The following ARHGEF15 variants were observed in gnomAD, a reference collection of about 807,000 sequenced individuals.
The protein encoded by ARHGEF15 is Rho guanine nucleotide exchange factor 15.
In ARHGEF15, 58 loss-of-function variants were observed where a neutral mutation model predicts 79.7. That is an observed-to-expected ratio of 0.73 (90% CI 0.59 to 0.91). The LOEUF (loss-of-function observed/expected upper bound fraction) is 0.91. ARHGEF15 is among the 40% of genes least tolerant of loss of function. ARHGEF15 has a pLI of 0.00. For missense variants in ARHGEF15, 1,012 were observed against 1,108.1 expected, an observed-to-expected ratio of 0.91 and a Z score of 1.23; for synonymous variants, 442 against 456.0, an observed-to-expected ratio of 0.97 and a Z score of 0.39.
chr17:8,320,049 G>C (rs1905285484), intron 15 of ARHGEF15, among the ~76,000 whole-genome samples: 1 of 151,846 alleles, frequency 6.6e-6, no homozygotes. Context: ...CAAAGTGCTG[G>C]GATTACAGGC....
chr17:8,313,657 G>A (rs1016921081), intron 4 of ARHGEF15, 102 bp downstream of exon 4: 34 of 1,269,052 alleles, frequency 2.7e-5, no homozygotes, highest in Non-Finnish European at 3.5e-5. Context: ...CCTCCACAAA[G>A]GTGAGGGGAC....
chr17:8,320,438 T>A (rs1174693485), intron 15 of ARHGEF15, among the ~76,000 whole-genome samples: 1 of 151,940 alleles, frequency 6.6e-6, no homozygotes, highest in African/African-American at 2.4e-5. Context: ...GTGTCCCAGC[T>A]GGAGGCAGCA....
At position 8,322,360 on chromosome 17, in the gene ARHGEF15, G is replaced by A. The variant is rs1355241212; in HGVS notation, c.*1367G>A. ...CAGGCACAGCAACTTGCCCAGGACT[G>A]ACACTGTCACCCTGACTGCAGGAGG... On this transcript the variant is annotated 3_prime_UTR_variant, in exon 16 of 16. Transcript: ENST00000361926. 6.6e-6 allele frequency: 1 copy of A among 152,498 alleles called. No homozygotes were observed. The highest frequency in any genetic ancestry group is 1.9e-4 in the East Asian group (1 of 5,194). The allele number at this position is 152,498 out of a possible 1,614,324, so 9.4% of individuals were successfully genotyped here.
rs751920650 is a variant in ARHGEF15 at position 8,315,473 on chromosome 17, C to T, written c.1320C>T (p.Thr440=). 1 of 1,613,796 alleles carries T rather than the reference C, an allele frequency of 6.2e-7. No homozygotes were observed. The change falls in exon 7 of 16, where the codon ACC becomes ACT. Residue 440 remains threonine, a synonymous_variant. Transcript: ENST00000361926. The surrounding 1 kb of genome is among the most constrained non-coding windows in gnomAD (Gnocchi z 4.3). The part of the protein sequence containing the change: ...ASYLRSLRLL[T]DTFVLSQALR... ...ACCTGCGCTCCCTGCGGCTGCTGACCGACACCTTCGTGCTGAGCCAGGCAC... is the reference window on the plus strand; with the variant it reads ...ACCTGCGCTCCCTGCGGCTGCTGACTGACACCTTCGTGCTGAGCCAGGCAC...
intron 13 of ARHGEF15, 42 bp from the exon 14 acceptor site, chr17:8,319,270 A>T: frequency 1.9e-6 from 3 of 1,609,056 alleles, no homozygotes; most frequent in Non-Finnish European, 2.5e-6. Flanking sequence ...GCCCCAGAGG[A>T]TCTTTTGGGC....
In ARHGEF15 at chr17:8,315,527, C is replaced by T. The variant is rs771896610; in HGVS notation, c.1374C>T (p.His458=). Residue 458 remains histidine (H), a synonymous_variant, in exon 7 of 16, where the codon CAC becomes CAT. Coordinates refer to ENST00000361926, the MANE Select transcript of ARHGEF15 (RefSeq NM_173728.4). The surrounding 1 kb of genome is among the most constrained non-coding windows in gnomAD (Gnocchi z 4.3). ...GGGACACGCTCACCCCCCGTGATCA[C>T]CACACACTCTTCTCCAATGTGCAGC... ...ALRDTLTPRD[H]HTLFSNVQRV... is the part of the protein sequence containing the mutation. 33 of 1,611,858 alleles carry T rather than the reference C, an allele frequency of 2.0e-5. No homozygotes were observed. In the South Asian group the frequency reaches 3.5e-4, roughly 17 times the overall value.
Position 8,318,759 on chromosome 17 carries a change from CT to C in ARHGEF15, c.1883del (p.Leu628ArgfsTer14), listed in dbSNP as rs767542502. 1.2e-6 allele frequency: 2 copies of C among 1,612,906 alleles called. No homozygotes were observed. The highest frequency in any genetic ancestry group is 1.7e-5 in the Admixed American group (1 of 59,976). On this transcript the variant is annotated frameshift_variant, in exon 12 of 16. Transcript: ENST00000361926. LOFTEE classifies it high-confidence loss of function. The surrounding 1 kb of genome is among the most constrained non-coding windows in gnomAD (Gnocchi z 5.0). ...CTCCGCTTCCTCGCAGGCCCTGCCC[CT>C]GGTCTCCTGGTCACGGCGCCTGGAA... ...LRFHKVKALPLVSWSRRLEFQ... is the reference protein window; with the variant it reads ...LRFHKVKALPXVSWSRRLEFQ...
At chr17:8,320,670 C>T (rs553150494) in intron 15 of ARHGEF15, among the ~76,000 whole-genome samples, 172 bp from the exon 16 acceptor site, 51 of 152,248 alleles carry the variant, frequency 3.3e-4, no homozygotes, top group African/African-American at 1.2e-3. Context: ...AGACTCTCTC[C>T]GAGCTGCTGT....
intron 4 of ARHGEF15, 41 bp from the exon 5 acceptor site, chr17:8,314,865 G>GT: frequency 6.2e-7 from 1 of 1,610,778 alleles, no homozygotes; most frequent in South Asian, 1.1e-5. Context: ...GTGGGCAGCA[G>GT]TGGTGGCCCT....
intron 2 of ARHGEF15, 68 bp from the exon 3 acceptor site, chr17:8,312,854 G>A: frequency 6.4e-7 from 1 of 1,567,988 alleles, no homozygotes. Context: ...GTTAAAGATG[G>A]AGATGGTCTG....
chr17:8,313,120 G>T lies in ARHGEF15; in HGVS notation c.800G>T (p.Arg267Leu). 3 of 1,576,232 alleles carry T rather than the reference G, an allele frequency of 1.9e-6. No homozygotes were observed. Among genetic ancestry groups the T allele is most frequent in the Non-Finnish European group, 2.6e-6 (3 of 1,158,558 alleles). ...GHPAVVLTSY[R>L]STAERKLLPL... ...CCTGCCGTTGTCCTCACATCCTACC[G>T]CTCCACTGCTGAGCGCAAACTCCTG... Residue 267 changes from arginine (R) to leucine (L), a missense_variant, in exon 3 of 16, where the codon CGC becomes CTC. Coordinates refer to ENST00000361926, the MANE Select transcript of ARHGEF15 (RefSeq NM_173728.4).
intron 1 of ARHGEF15, among the ~76,000 whole-genome samples, chr17:8,311,756 A>G (rs1904634790): frequency 6.6e-6 from 1 of 151,606 alleles, no homozygotes; most frequent in Admixed American, 6.6e-5. Flanking sequence ...CACACTCACA[A>G]CACACCATGC....
At position 8,316,081 on chromosome 17, in the gene ARHGEF15, G is replaced by T. The variant is rs142667369; in HGVS notation, c.1637G>T (p.Arg546Leu). 6.2e-7 allele frequency: 1 copy of T among 1,602,988 alleles called. No homozygotes were observed. Among genetic ancestry groups the T allele is most frequent in the Non-Finnish European group, 8.5e-7 (1 of 1,179,262 alleles). The change falls in exon 9 of 16, where the codon CGG (arginine) becomes CTG (leucine). Residue 546 changes from arginine to leucine, a missense_variant. Arg to Leu is a moderately radical substitution (Grantham distance 102). Transcript: ENST00000361926. ...CTGCAGAGCCTCCCTAAGTGTGAGC[G>T]GCTCCCGCTGCCGTCCTTCCTGCTA... The part of the protein sequence containing the change: ...RRLQSLPKCE[R>L]LPLPSFLLLP...
At position 8,315,351 on chromosome 17, in the gene ARHGEF15, G is replaced by A. The variant is rs893888068; in HGVS notation, c.1261-63G>A. ...CATGGGTCAGGCATAGGGGAGGAGG[G>A]CCCAGGGTCCTAGCTTCCCACGGTG... On this transcript the variant is annotated intron_variant, in intron 6 of 15. Transcript: ENST00000361926. The surrounding 1 kb of genome is among the most constrained non-coding windows in gnomAD (Gnocchi z 4.3). 4 of 1,611,468 alleles carry A rather than the reference G, an allele frequency of 2.5e-6. No homozygotes were observed. Among genetic ancestry groups the A allele is most frequent in the Admixed American group, 3.3e-5 (2 of 59,890 alleles).
Position 8,319,353 on chromosome 17 carries a change from G to T in ARHGEF15, c.2228G>T (p.Gly743Val). ...TGGCTGGGAGCCTTCCCAACCCCAG[G>T]CCCCCTTCCCTGCTCCCCAGACACC... Reference protein sequence around the residue: ...QRWLGAFPTPGPLPCSPDTIY... With the variant: ...QRWLGAFPTPVPLPCSPDTIY... The change falls in exon 14 of 16, where the codon GGC (glycine) becomes GTC (valine). Residue 743 changes from glycine (G) to valine (V), a missense_variant. Physicochemically the swap from Gly to Val is moderately radical, Grantham distance 109. Transcript: ENST00000361926. 6.2e-7 allele frequency: 1 copy of T among 1,614,048 alleles called. No individual in the cohort carries two copies. Among genetic ancestry groups the T allele is most frequent in the East Asian group, 2.2e-5 (1 of 44,878 alleles).
intron 9 of ARHGEF15, among the ~76,000 whole-genome samples, chr17:8,316,851 C>T (rs1476142880): frequency 6.6e-6 from 1 of 152,176 alleles, no homozygotes; most frequent in African/African-American, 2.4e-5. Context: ...GGCGCAATAT[C>T]GGCTCACTGC....
Position 8,319,354 on chromosome 17 carries a change from C to T in ARHGEF15, c.2229C>T (p.Gly743=). ...GGCTGGGAGCCTTCCCAACCCCAGG[C>T]CCCCTTCCCTGCTCCCCAGACACCA... The part of the protein sequence containing the change: ...QRWLGAFPTP[G]PLPCSPDTIY... Residue 743 remains glycine (G), a synonymous_variant, in exon 14 of 16, where the codon GGC becomes GGT. Transcript: ENST00000361926. The T allele has an allele frequency of 1.2e-6, 2 of 1,614,034 alleles. No homozygotes were observed. The highest frequency in any genetic ancestry group is 1.7e-6 in the Non-Finnish European group (2 of 1,179,992).
Position 8,319,610 on chromosome 17 carries a change from A to C in ARHGEF15, c.2374+7A>C. 1 of 1,541,586 alleles carries C rather than the reference A, an allele frequency of 6.5e-7. No individual in the cohort carries two copies. Among genetic ancestry groups the C allele is most frequent in the Non-Finnish European group, 8.7e-7 (1 of 1,148,580 alleles). On this transcript the variant is annotated splice_region_variant and intron_variant, in intron 15 of 15. Coordinates refer to ENST00000361926, the MANE Select transcript of ARHGEF15 (RefSeq NM_173728.4). The stretch of plus-strand genomic sequence containing the variant: ...CTGCACAAGACCCCTGAAGGTGAGA[A>C]AGTCTTTCATTTATTTATTTTGTAT...
intron 15 of ARHGEF15, among the ~76,000 whole-genome samples, 162 bp from the exon 16 acceptor site, chr17:8,320,680 T>C (rs574989462): frequency 6.6e-6 from 1 of 152,244 alleles, no homozygotes; most frequent in South Asian, 2.1e-4. Flanking sequence ...CGAGCTGCTG[T>C]CACCTCCACT....
Sources: allele counts gnomAD v4.1 joint callset (sites outside exome capture counted in the v4.1 genomes callset), GRCh38; gene constraint gnomAD v4.1.1; non-coding constraint Gnocchi (gnomAD v3.1); transcripts MANE v1.5; gene names NCBI Gene and HGNC (gene_info 2026-07-23, HGNC 2026-07-21).